CASK: variants seen among roughly 807,000 people sequenced by gnomAD.
CASK encodes the protein peripheral plasma membrane protein CASK.
In CASK, 4 loss-of-function variants were observed where a neutral mutation model predicts 82.9. The ratio of observed to expected loss-of-function variants is 0.05; its 90% CI spans 0.02 to 0.11. The LOEUF is 0.11. CASK is among the 10% of genes least tolerant of loss of function. The pLI, the probability that CASK is intolerant of heterozygous loss-of-function variation, is 1.00. For missense variants in CASK, 358 were observed against 720.9 expected (o/e 0.50, Z 5.76); for synonymous variants, 259 against 253.5 (o/e 1.02, Z -0.20).
At chrX:41,703,029 T>A (rs1428137262) in intron 5 of CASK, among the ~76,000 whole-genome samples, 1 of 112,103 alleles carries the variant, frequency 8.9e-6, no homozygotes, top group Non-Finnish European at 1.9e-5. Flanking sequence ...GGCCTTCTAA[T>A]TATGGTTTGG....
chrX:41,643,956 C>T (rs774541097), intron 8 of CASK, among the ~76,000 whole-genome samples: 2 of 111,599 alleles, frequency 1.8e-5, no homozygotes, highest in Non-Finnish European at 3.8e-5. Context: ...CCATCAATAC[C>T]TAGTTTATTG....
At chrX:41,682,571 A>T (rs1371825353) in intron 5 of CASK, among the ~76,000 whole-genome samples, 1 of 105,232 alleles carries the variant, frequency 9.5e-6, no homozygotes. Context: ...AGGATCTAAA[A>T]GCTGGAGAAT....
intron 21 of CASK, 136 bp downstream of exon 21, chrX:41,553,583 T>G (rs2065126598): frequency 8.0e-6 from 4 of 497,172 alleles, no homozygotes; most frequent in Admixed American, 3.4e-5. Flanking sequence ...GATGACTAAT[T>G]TAAATTTTGT....
chrX:41,569,257 G>A (rs772878214), intron 16 of CASK, among the ~76,000 whole-genome samples: 1 of 110,731 alleles, frequency 9.0e-6, no homozygotes, highest in Admixed American at 9.6e-5. Flanking sequence ...CTCCTACATC[G>A]TGAGGCCCAG....
At chrX:41,789,683 A>G (rs971838389) in intron 2 of CASK, among the ~76,000 whole-genome samples, 2 of 111,140 alleles carry the variant, frequency 1.8e-5, no homozygotes, top group African/African-American at 3.3e-5. Context: ...TAAAATTTTT[A>G]TTACTCATTT....
At chrX:41,912,548 G>A (rs1465589551) in intron 1 of CASK, among the ~76,000 whole-genome samples, 1 of 107,816 alleles carries the variant, frequency 9.3e-6, no homozygotes, top group Non-Finnish European at 1.9e-5. Context: ...CCTCAAGTGA[G>A]CCACCCACCT....
At chrX:41,904,709 A>C (rs754840813) in intron 1 of CASK, among the ~76,000 whole-genome samples, 2 of 111,551 alleles carry the variant, frequency 1.8e-5, no homozygotes, top group Non-Finnish European at 3.8e-5. Context: ...TCACCCAGGT[A>C]ATCAGCATAG....
intron 9 of CASK, among the ~76,000 whole-genome samples, chrX:41,634,960 C>A (rs1373208434): frequency 8.9e-6 from 1 of 111,735 alleles, no homozygotes; most frequent in African/African-American, 3.3e-5. Context: ...CCCTTGACTG[C>A]AAAATCAGTG....
chrX:41,608,682 T>C (rs2065993696), intron 12 of CASK, among the ~76,000 whole-genome samples: 1 of 112,432 alleles, frequency 8.9e-6, no homozygotes, highest in Non-Finnish European at 1.9e-5. Context: ...TCAGCTTCTG[T>C]TTTTTCCTTT....
At chrX:41,882,390 C>A (rs1299911957) in intron 1 of CASK, among the ~76,000 whole-genome samples, 1 of 111,482 alleles carries the variant, frequency 9.0e-6, no homozygotes, top group Non-Finnish European at 1.9e-5. Context: ...ATAAAGGATT[C>A]TTTTGTAGAA....
At chrX:41,695,942 C>T (rs1349284694) in intron 5 of CASK, 3 of 1,201,895 alleles carry the variant, frequency 2.5e-6, no homozygotes, top group African/African-American at 3.5e-5. Flanking sequence ...ACCTCCTACT[C>T]ATCTTCTGCC....
chrX:41,609,661 G>A (rs1350170758), intron 12 of CASK, among the ~76,000 whole-genome samples: 2 of 106,382 alleles, frequency 1.9e-5, no homozygotes, highest in Non-Finnish European at 3.9e-5. Context: ...AGTGATTCTT[G>A]TGCCTCCGCC....
intron 5 of CASK, among the ~76,000 whole-genome samples, chrX:41,709,985 C>T (rs2147625380): frequency 9.1e-6 from 1 of 109,706 alleles, no homozygotes; most frequent in Non-Finnish European, 1.9e-5. Flanking sequence ...TAGAAAGAGA[C>T]AGTGAAGTGG....
At chrX:41,726,690 TA>T (rs2068266247) in intron 5 of CASK, 1 of 137,357 alleles carries the variant, frequency 7.3e-6, no homozygotes, top group African/African-American at 3.1e-5. Context: ...CAAATTGTTT[TA>T]CAATCTAAGA....
intron 12 of CASK, among the ~76,000 whole-genome samples, chrX:41,606,297 G>A (rs773495794): frequency 1.8e-5 from 2 of 111,488 alleles, no homozygotes; most frequent in African/African-American, 3.3e-5. Context: ...ACGGAGTCTC[G>A]CTCTGTTGAC....
intron 5 of CASK, among the ~76,000 whole-genome samples, chrX:41,732,938 G>A (rs896079098): frequency 2.7e-5 from 3 of 109,343 alleles, no homozygotes. Flanking sequence ...CTGGCCAGGC[G>A]TGGTGGCTCA....
chrX:41,647,731 T>C (rs2066784781), intron 8 of CASK, among the ~76,000 whole-genome samples: 2 of 112,095 alleles, frequency 1.8e-5, no homozygotes, highest in South Asian at 3.7e-4. Flanking sequence ...CCCAAATTAA[T>C]ACTTTTGTAA....
intron 2 of CASK, among the ~76,000 whole-genome samples, chrX:41,791,297 A>C (rs2069710091): frequency 9.4e-6 from 1 of 106,591 alleles, no homozygotes; most frequent in Non-Finnish European, 1.9e-5. Context: ...TTTATCCCTC[A>C]CCTCCCCTCC....
chrX:41,710,011 G>A (rs2147625420), intron 5 of CASK, among the ~76,000 whole-genome samples: 1 of 108,375 alleles, frequency 9.2e-6, no homozygotes, highest in South Asian at 4.1e-4. Context: ...TCTGGGCACT[G>A]ATATATGATG....
Sources: allele counts gnomAD v4.1 joint callset (sites outside exome capture counted in the v4.1 genomes callset), GRCh38; gene constraint gnomAD v4.1.1; transcripts MANE v1.5; gene names NCBI Gene and HGNC (gene_info 2026-07-23, HGNC 2026-07-21).